Variants in PAGE1 observed in about 807,000 individuals in gnomAD.
PAGE1 encodes the protein PAGE family member 1.
Under a neutral mutation model 11.5 loss-of-function variants are expected in PAGE1, and 6 were observed. The ratio of observed to expected loss-of-function variants is 0.52; its 90% CI spans 0.29 to 1.03. The LOEUF (loss-of-function observed/expected upper bound fraction) is 1.03, where lower values mean the gene tolerates loss of function less well. Among genes scored for constraint, PAGE1 ranks in the 50% least tolerant of loss-of-function variants. The probability of loss-of-function intolerance (pLI) is 0.09; values close to 1 mark genes in which losing one functional copy is unlikely to be tolerated. For missense variants in PAGE1, 120 were observed against 110.2 expected (o/e 1.09, Z -0.40); for synonymous variants, 42 against 40.2 (o/e 1.05, Z -0.17).
intron 3 of PAGE1, among the ~76,000 whole-genome samples, chrX:49,691,791 C>T (rs377478007): frequency 2.2e-4 from 25 of 111,669 alleles, no homozygotes; most frequent in African/African-American, 7.5e-4. Flanking sequence ...CACAAAAAAG[C>T]CCAAAGTGCT....
intron 4 of PAGE1, among the ~76,000 whole-genome samples, chrX:49,690,041 ATATATGTGTATATATGTG>A (rs2066911857): frequency 2.9e-5 from 2 of 68,073 alleles, no homozygotes; most frequent in African/African-American, 1.2e-4. Flanking sequence ...ATATATGTGT[ATATATGTGTATATATGTG>A]TATATACACA....
At chrX:49,690,077 ATG>A (rs1466137795) in intron 4 of PAGE1, among the ~76,000 whole-genome samples, 2 of 54,923 alleles carry the variant, frequency 3.6e-5, no homozygotes, top group African/African-American at 1.3e-4. Flanking sequence ...ACACATATAT[ATG>A]TGTATATATG....
At chrX:49,689,573 A>AT (rs1403258474) in intron 4 of PAGE1, 30 bp from the exon 5 acceptor site, 2 of 71,234 alleles carry the variant, frequency 2.8e-5, no homozygotes, top group African/African-American at 2.0e-4. Context: ...AAAAAAAAAA[A>AT]AAATATATAT....
In PAGE1 at chrX:49,694,213, G is replaced by A. The variant is rs1557142574; in HGVS notation, c.64-12C>T. The A allele has an allele frequency of 9.4e-7, 1 of 1,065,299 alleles. No homozygotes were observed. The highest frequency in any genetic ancestry group is 1.3e-6 in the Non-Finnish European group (1 of 777,896). 87.8% of individuals were successfully genotyped at this position (1,065,299 alleles called of 1,213,427 possible). ...TCATCACTGGACTCCTTGTGGTAGG[G>A]AATATGTGTGTGAGTGTGCAAAGAC... is the stretch of plus-strand genomic sequence containing the variant. On this transcript the variant is annotated splice_polypyrimidine_tract_variant and intron_variant, in intron 2 of 5. Coordinates refer to ENST00000376150, the MANE Select transcript of PAGE1 (RefSeq NM_003785.4).
At chrX:49,691,452 G>T (rs782783020) in intron 3 of PAGE1, 78 bp from the exon 4 acceptor site, 15 of 843,431 alleles carry the variant, frequency 1.8e-5, no homozygotes, top group Non-Finnish European at 2.3e-5. Context: ...CATGCTCTTG[G>T]TCTTATTAAA....
At chrX:49,690,714 A>G (rs1278854773) in intron 4 of PAGE1, among the ~76,000 whole-genome samples, 1 of 111,141 alleles carries the variant, frequency 9.0e-6, no homozygotes, top group Non-Finnish European at 1.9e-5. Flanking sequence ...CTGGATCAGA[A>G]AAAGAAATTC....
At chrX:49,690,091 GTATATATGTGTATATATACACATA>G (rs2066913489) in intron 4 of PAGE1, among the ~76,000 whole-genome samples, 1 of 51,671 alleles carries the variant, frequency 1.9e-5, no homozygotes, top group African/African-American at 8.2e-5. Flanking sequence ...GTATATATGT[GTATATATGTGTATATATACACATA>G]TATATGTGTA....
intron 1 of PAGE1, 104 bp from the exon 2 acceptor site, chrX:49,694,882 C>T (rs2066935428): frequency 4.3e-6 from 2 of 467,292 alleles, no homozygotes; most frequent in East Asian, 3.8e-5. Context: ...TTTGAAAATA[C>T]TCTCAAAATA....
rs782044654 is a variant in PAGE1 at position 49,694,736 on chromosome X, C to T, written c.35G>A (p.Arg12Lys). The T allele has an allele frequency of 1.9e-4, 230 of 1,197,836 alleles. No individual in the cohort carries two copies. The highest frequency in any genetic ancestry group is 2.3e-4 in the Non-Finnish European group (208 of 885,459). ...GFLRRLIYRRRPMIYVESSEE... is the reference protein window; with the variant it reads ...GFLRRLIYRRKPMIYVESSEE... ...AGAAGATTCTACATAGATCATTGGT[C>T]TACGCCGATAGATTAATCTTCTTAG... The change falls in exon 2 of 6, where the codon AGA becomes AAA. Residue 12 changes from arginine to lysine, a missense_variant. By Grantham distance (26) the Arg-to-Lys change is conservative. Transcript: ENST00000376150.
Position 49,691,262 on chromosome X carries a change from T to C in PAGE1, c.279A>G (p.Lys93=). ...TGGACTACCTACCTTCTGCGGGCAGTTTCATCTGCTCTTCATTTCGCAGGC... is the reference window on the plus strand; with the variant it reads ...TGGACTACCTACCTTCTGCGGGCAGCTTCATCTGCTCTTCATTTCGCAGGC... ...RVCLRNEEQM[K]LPAEGPEPEA... is the part of the protein sequence containing the mutation. Residue 93 remains lysine, a synonymous_variant, in exon 4 of 6, where the codon AAA becomes AAG. Coordinates refer to ENST00000376150, the MANE Select transcript of PAGE1 (RefSeq NM_003785.4). 8.3e-7 allele frequency: 1 copy of C among 1,210,068 alleles called. No homozygotes were observed. The highest frequency in any genetic ancestry group is 2.3e-4 in the Middle Eastern group (1 of 4,344).
At chrX:49,689,609 T>TATATATATATATAC (rs1263543030) in intron 4 of PAGE1, 66 bp from the exon 5 acceptor site, 1 of 77,537 alleles carries the variant, frequency 1.3e-5, no homozygotes, top group African/African-American at 9.2e-5. Context: ...TATATATATA[T>TATATATATATATAC]ATACATATAC....
rs941463046 is a variant in PAGE1, at chrX:49,690,163, T to G, written c.293-620A>C. Among the ~76,000 whole-genome samples, 3 of 88,565 alleles carry G rather than the reference T, an allele frequency of 3.4e-5. No individual in the cohort carries two copies. In the Admixed American group the frequency reaches 4.0e-4, roughly 12 times the overall value. The allele number at this position is 88,565 out of a possible 115,157, so 76.9% of individuals were successfully genotyped here. On this transcript the variant is annotated intron_variant, in intron 4 of 5. Transcript: ENST00000376150. ...TATATGTGTATATATATAATCAATT[T>G]AAGCAGTAAAACATGAAATATGAAC...
chrX:49,691,611 C>T (rs1466239256), intron 3 of PAGE1, among the ~76,000 whole-genome samples: 1 of 111,362 alleles, frequency 9.0e-6, no homozygotes, highest in Non-Finnish European at 1.9e-5. Context: ...AACTTTGTTG[C>T]CTCCTTTGCA....
intron 5 of PAGE1, among the ~76,000 whole-genome samples, chrX:49,687,954 G>T (rs1294327633): frequency 8.9e-6 from 1 of 112,655 alleles, no homozygotes; most frequent in Admixed American, 9.4e-5. Context: ...ATTTGATATG[G>T]TTAGAGATCA....
At chrX:49,693,320 A>T (rs1043079216) in intron 3 of PAGE1, among the ~76,000 whole-genome samples, 5 of 112,342 alleles carry the variant, frequency 4.5e-5, no homozygotes, top group African/African-American at 1.6e-4. Context: ...ATGAGTGGAC[A>T]GCAATTAATG....
At chrX:49,692,236 C>A (rs1216914943) in intron 3 of PAGE1, among the ~76,000 whole-genome samples, 2 of 111,898 alleles carry the variant, frequency 1.8e-5, no homozygotes, top group Admixed American at 1.9e-4. Context: ...TGCAGGTTCT[C>A]ATTGTTAAAT....
At chrX:49,692,584 G>A (rs1002871356) in intron 3 of PAGE1, among the ~76,000 whole-genome samples, 1 of 110,285 alleles carries the variant, frequency 9.1e-6, no homozygotes, top group Non-Finnish European at 1.9e-5. Flanking sequence ...GTAAAAACTT[G>A]TAAGAATATA....
rs201792239 is a variant in PAGE1 at position 49,689,820 on chromosome X, ATATATGTG to A, written c.293-285_293-278del. 1.6e-3 allele frequency among the ~76,000 whole-genome samples: 95 copies of A among 57,844 alleles called. 12 individuals are homozygous for A. Among genetic ancestry groups the A allele is most frequent in the African/African-American group, 9.1e-3 (91 of 10,010 alleles). The allele number at this position is 57,844 out of a possible 115,157, so 50.2% of individuals were successfully genotyped here. A position where few individuals can be genotyped will look rare whatever the true frequency, so the allele number is the denominator to read the frequency against. On this transcript the variant is annotated intron_variant, in intron 4 of 5. Transcript: ENST00000376150. ...TGTATATATATGTGTATATACACAC[ATATATGTG>A]TATATATGTGTGTATATACACACAT...
Position 49,694,065 on chromosome X carries a change from C to CA in PAGE1, c.166+33_166+34insT, listed in dbSNP as rs1557142539. On this transcript the variant is annotated intron_variant, in intron 3 of 5. Transcript: ENST00000376150. ...ACACACACACACACACACACACACA[C>CA]CCCAACAGGCATTCTTCTTCCCTTT... 212 of 839,729 alleles carry CA rather than the reference C, an allele frequency of 2.5e-4. 1 individual carries two copies. In the East Asian group the frequency reaches 6.0e-3, roughly 24 times the overall value. The allele number at this position is 839,729 out of a possible 1,213,427, so 69.2% of individuals were successfully genotyped here.
Sources: gnomAD v4.1 joint callset for allele counts (sites outside exome capture counted in the v4.1 genomes callset) on GRCh38, gnomAD v4.1.1 for gene constraint, MANE v1.5 for transcripts, NCBI Gene and HGNC (gene_info 2026-07-23, HGNC 2026-07-21) for gene names.